CSMD1: variants seen among roughly 807,000 people sequenced by gnomAD.
CSMD1 encodes CUB and sushi domain-containing protein 1.
CSMD1 carries 213 observed loss-of-function variants against 417.5 expected under a neutral mutation model. The ratio of observed to expected loss-of-function variants is 0.51; its 90% CI spans 0.46 to 0.57. The LOEUF is 0.57. Among genes scored for constraint, CSMD1 ranks in the 20% least tolerant of loss-of-function variants. CSMD1 has a pLI of 0.00. For missense variants in CSMD1, 6,923 were observed against 4,529.7 expected (o/e 1.53, Z -15.17); for synonymous variants, 2,862 against 1,736.8 (o/e 1.65, Z -16.11).
At chr8:3,298,476 C>G (rs1466955776) in intron 25 of CSMD1, among the ~76,000 whole-genome samples, 4 of 152,124 alleles carry the variant, frequency 2.6e-5, no homozygotes, top group African/African-American at 7.2e-5. Flanking sequence ...CTTTTTTAGA[C>G]AGAGTCTTGA....
chr8:4,499,496 A>G (rs1290937109), intron 2 of CSMD1, among the ~76,000 whole-genome samples: 1 of 152,250 alleles, frequency 6.6e-6, no homozygotes, highest in African/African-American at 2.4e-5. Context: ...TGCAAGAACC[A>G]GCAAGACTTT....
intron 2 of CSMD1, among the ~76,000 whole-genome samples, chr8:4,474,425 T>G (rs1045191585): frequency 2.6e-5 from 4 of 152,094 alleles, no homozygotes; most frequent in Non-Finnish European, 4.4e-5. Flanking sequence ...CAGAGGGTCA[T>G]AGAAGTGAAA....
At chr8:3,855,006 T>C (rs970236564) in intron 5 of CSMD1, among the ~76,000 whole-genome samples, 30 of 152,234 alleles carry the variant, frequency 2.0e-4, no homozygotes, top group African/African-American at 7.0e-4. Flanking sequence ...CATACAGCCA[T>C]ACACATTCGG....
intron 5 of CSMD1, among the ~76,000 whole-genome samples, chr8:3,783,582 G>A (rs1021179018): frequency 6.6e-6 from 1 of 152,330 alleles, no homozygotes; most frequent in African/African-American, 2.4e-5. Context: ...AGGTGAGAGA[G>A]TTGGACACAG....
chr8:3,971,803 C>T (rs938662633), intron 5 of CSMD1, among the ~76,000 whole-genome samples: 31 of 152,176 alleles, frequency 2.0e-4, no homozygotes, highest in Non-Finnish European at 3.2e-4. Context: ...TAAATATTAA[C>T]TTACTTTCTC....
At chr8:4,834,638 T>C (rs1444482325) in intron 1 of CSMD1, among the ~76,000 whole-genome samples, 2 of 151,306 alleles carry the variant, frequency 1.3e-5, no homozygotes, top group Non-Finnish European at 2.9e-5. Context: ...AGTAGCTAGC[T>C]AGTGAAAAAG....
At chr8:4,156,005 G>A (rs1796814602) in intron 3 of CSMD1, among the ~76,000 whole-genome samples, 1 of 152,108 alleles carries the variant, frequency 6.6e-6, no homozygotes, top group South Asian at 2.1e-4. Flanking sequence ...AAAGCCTAAT[G>A]GAGTCACAGA....
chr8:3,098,056 C>T (rs1056032713), intron 46 of CSMD1, among the ~76,000 whole-genome samples: 3 of 152,190 alleles, frequency 2.0e-5, no homozygotes, highest in African/African-American at 7.2e-5. Flanking sequence ...ACACTAGAGT[C>T]TCCTAATTAG....
intron 1 of CSMD1, among the ~76,000 whole-genome samples, chr8:4,759,272 C>A (rs1312451929): frequency 6.6e-6 from 1 of 152,100 alleles, no homozygotes; most frequent in Non-Finnish European, 1.5e-5. Flanking sequence ...AGGAAGGATG[C>A]CACCAGGGAA....
Position 4,968,880 on chromosome 8 carries a change from A to G in CSMD1, c.85+25452T>C, listed in dbSNP as rs543820176. Among the ~76,000 whole-genome samples the G allele has an allele frequency of 3.3e-3, 507 of 152,278 alleles. 3 individuals are homozygous for G. The highest frequency in any genetic ancestry group is 6.8e-3 in the Middle Eastern group (2 of 294). On this transcript the variant is annotated intron_variant, in intron 1 of 69. Transcript: ENST00000635120. Reference sequence around the variant, plus strand: ...CGCTTAGTGCTACACACAAAGCATCAGTCTGTCTCTCGGGTTGCCACCAAC... The same window carrying G: ...CGCTTAGTGCTACACACAAAGCATCGGTCTGTCTCTCGGGTTGCCACCAAC...
At chr8:3,716,276 C>T (rs2129042848) in intron 6 of CSMD1, among the ~76,000 whole-genome samples, 1 of 152,214 alleles carries the variant, frequency 6.6e-6, no homozygotes, top group South Asian at 2.1e-4. Context: ...TCATGCAAAA[C>T]AGAATTCAGT....
chr8:3,759,486 C>A (rs927514475), intron 5 of CSMD1, among the ~76,000 whole-genome samples: 2 of 152,010 alleles, frequency 1.3e-5, no homozygotes, highest in Non-Finnish European at 2.9e-5. Flanking sequence ...TTCTTTTAGG[C>A]CTGCTGGATT....
chr8:3,978,871 T>C (rs12676838), intron 5 of CSMD1, among the ~76,000 whole-genome samples: 8,211 of 152,172 alleles, frequency 0.054, 396 homozygotes, highest in African/African-American at 0.12. Context: ...TTAGGTTTAA[T>C]GAAAGGAACA....
chr8:2,988,829 T>A (rs10106397), intron 54 of CSMD1, among the ~76,000 whole-genome samples: 2,987 of 152,286 alleles, frequency 0.02, 107 homozygotes, highest in African/African-American at 0.069. Context: ...AGCTGCATCC[T>A]GTGAAGGGTT....
At chr8:3,981,242 C>A (rs1218649823) in intron 5 of CSMD1, among the ~76,000 whole-genome samples, 5 of 152,048 alleles carry the variant, frequency 3.3e-5, no homozygotes, top group East Asian at 1.9e-4. Context: ...GTAACTCAGG[C>A]GTTGAAAACC....
intron 26 of CSMD1, among the ~76,000 whole-genome samples, chr8:3,283,913 G>A (rs185619565): frequency 6.6e-5 from 10 of 152,344 alleles, no homozygotes; most frequent in Admixed American, 3.9e-4. Context: ...CATCAAATGA[G>A]TTTGGTTATG....
At chr8:4,030,629 T>A (rs182763550) in intron 4 of CSMD1, among the ~76,000 whole-genome samples, 25 of 152,332 alleles carry the variant, frequency 1.6e-4, no homozygotes, top group Non-Finnish European at 7.3e-5. Context: ...ACCTCTGACA[T>A]GCCCTGGAGG....
chr8:3,219,501 G>T, intron 28 of CSMD1, 59 bp from the exon 29 acceptor site: 1 of 1,233,444 alleles, frequency 8.1e-7, no homozygotes, highest in Non-Finnish European at 1.1e-6. Context: ...CTCCCAGAGT[G>T]GTAAGCCTTT....
intron 18 of CSMD1, among the ~76,000 whole-genome samples, chr8:3,385,188 AATAT>A (rs1258900942): frequency 1.4e-5 from 2 of 143,736 alleles, no homozygotes; most frequent in African/African-American, 2.5e-5. Flanking sequence ...TAGAAGTCTA[AATAT>A]ATAAATAGAA....
Sources: allele counts gnomAD v4.1 joint callset (sites outside exome capture counted in the v4.1 genomes callset), GRCh38; gene constraint gnomAD v4.1.1; transcripts MANE v1.5; gene names NCBI Gene and HGNC (gene_info 2026-07-23, HGNC 2026-07-21).